Variants in AMZ2 observed in about 807,000 individuals in gnomAD.
The protein encoded by AMZ2 is archaelysin family metallopeptidase 2.
A neutral mutation model predicts 36.7 loss-of-function variants in AMZ2; 26 were observed. That is an observed-to-expected ratio of 0.71 (90% CI 0.52 to 0.98). The LOEUF (loss-of-function observed/expected upper bound fraction) is 0.98. AMZ2 is among the 50% of genes least tolerant of loss of function. The pLI, the probability that AMZ2 is intolerant of heterozygous loss-of-function variation, is 0.00. For synonymous variants in AMZ2, 144 were observed against 149.1 expected (o/e 0.97, Z 0.25); for missense variants, 394 against 430.5 (o/e 0.92, Z 0.75).
chr17:68,223,086 G>C (rs1429685682), intron 1 of AMZ2, among the ~76,000 whole-genome samples: 2 of 152,128 alleles, frequency 1.3e-5, no homozygotes, highest in African/African-American at 2.4e-5. Context: ...GAGAGAGACA[G>C]AGACAGAGAA....
At chr17:68,244,854 G>C (rs1469912034), upstream of AMZ2, among the ~76,000 whole-genome samples, 1 of 152,150 alleles carries the variant, frequency 6.6e-6, no homozygotes, top group Non-Finnish European at 1.5e-5. Flanking sequence ...CATGTGTTCA[G>C]TAAAGTTGAA....
At chr17:68,207,842 C>CG (rs66922771) in intron 1 of AMZ2, among the ~76,000 whole-genome samples, 4 of 151,896 alleles carry the variant, frequency 2.6e-5, no homozygotes, top group African/African-American at 9.7e-5. Flanking sequence ...CCTCAGCTTG[C>CG]GGGGGAGGTG....
chr17:68,255,573 GGGTGAAGTTTT>G, intron 5 of AMZ2, 116 bp from the exon 6 acceptor site: 1 of 956,198 alleles, frequency 1.0e-6, no homozygotes, highest in South Asian at 1.6e-5. Flanking sequence ...GGTCTGGACA[GGGTGAAGTTTT>G]GGTGGTAATG....
At chr17:68,218,128 T>C (rs138781299) in intron 1 of AMZ2, among the ~76,000 whole-genome samples, 1 of 152,196 alleles carries the variant, frequency 6.6e-6, no homozygotes, top group Non-Finnish European at 1.5e-5. Flanking sequence ...AAGGTTCTTA[T>C]ACATGAATTT....
At chr17:68,254,612 T>G (rs1293043038) in intron 5 of AMZ2, 45 bp downstream of exon 5, 4 of 1,495,568 alleles carry the variant, frequency 2.7e-6, no homozygotes, top group Admixed American at 1.8e-5. Flanking sequence ...TTAAAAGAGA[T>G]CTTAGTTCCG....
intron 1 of AMZ2, among the ~76,000 whole-genome samples, chr17:68,234,385 C>G (rs560146568): frequency 9.9e-5 from 15 of 151,812 alleles, no homozygotes; most frequent in Non-Finnish European, 2.2e-4. Flanking sequence ...GAGGTCAAGG[C>G]TGCAGTGAGT....
At chr17:68,239,724 G>A (rs2073862771) in intron 1 of AMZ2, among the ~76,000 whole-genome samples, 1 of 152,112 alleles carries the variant, frequency 6.6e-6, no homozygotes, top group African/African-American at 2.4e-5. Context: ...TCAGACACTG[G>A]GAGACTCCCC....
intron 1 of AMZ2, among the ~76,000 whole-genome samples, chr17:68,223,600 C>G (rs2073424460): frequency 6.6e-6 from 1 of 151,672 alleles, no homozygotes; most frequent in African/African-American, 2.4e-5. Context: ...AGTGCAGTGG[C>G]ACGATCTCAG....
intron 1 of AMZ2, among the ~76,000 whole-genome samples, chr17:68,213,344 G>A (rs1289833029): frequency 6.6e-6 from 1 of 152,198 alleles, no homozygotes; most frequent in African/African-American, 2.4e-5. Flanking sequence ...AAAATGGGGA[G>A]AATAAAACAA....
chr17:68,211,866 A>ATG (rs1286703079), intron 1 of AMZ2, among the ~76,000 whole-genome samples: 24 of 136,890 alleles, frequency 1.8e-4, no homozygotes, highest in South Asian at 4.9e-4. Context: ...ATATGTATAT[A>ATG]TGTGTGTGTA....
At chr17:68,248,042 C>T (rs1301196453), upstream of AMZ2, 2 of 986,348 alleles carry the variant, frequency 2.0e-6, no homozygotes, top group South Asian at 4.7e-5. Context: ...TGGCGTGGCG[C>T]AGTGCGAAGG....
At chr17:68,253,076 C>T (rs1371115019) in intron 4 of AMZ2, among the ~76,000 whole-genome samples, 2 of 152,054 alleles carry the variant, frequency 1.3e-5, no homozygotes, top group Non-Finnish European at 2.9e-5. Flanking sequence ...TAAAGTGAGA[C>T]GCATTGACTA....
chr17:68,210,174 C>CTATATATA (rs1555725579), intron 1 of AMZ2, among the ~76,000 whole-genome samples: 5 of 152,150 alleles, frequency 3.3e-5, no homozygotes, highest in Non-Finnish European at 5.9e-5. Context: ...CCCGGTAATT[C>CTATATATA]TATTCATACA....
At chr17:68,246,988 A>C (rs1389345543), upstream of AMZ2, 1 of 150,958 alleles carries the variant, frequency 6.6e-6, no homozygotes, top group Non-Finnish European at 1.5e-5. Flanking sequence ...GGGGTGGATC[A>C]CCTGAGCGCA....
chr17:68,214,840 G>A (rs2073156559), intron 1 of AMZ2, among the ~76,000 whole-genome samples: 1 of 151,352 alleles, frequency 6.6e-6, no homozygotes, highest in African/African-American at 2.4e-5. Flanking sequence ...CTGAACTGCA[G>A]TGGCGCTATC....
intron 1 of AMZ2, among the ~76,000 whole-genome samples, chr17:68,218,844 T>G (rs1291111670): frequency 1.3e-5 from 2 of 152,216 alleles, no homozygotes; most frequent in East Asian, 3.8e-4. Context: ...TTTCCTTTAT[T>G]GTTTGCTATG....
chr17:68,254,465 C>T lies in AMZ2; in HGVS notation c.648C>T (p.Gly216=). 2.5e-6 allele frequency: 4 copies of T among 1,613,664 alleles called. No homozygotes were observed. The highest frequency in any genetic ancestry group is 2.5e-6 in the Non-Finnish European group (3 of 1,179,930). The part of the protein sequence containing the change: ...GSDFYSMHYK[G]KVKKLKKTSS... ...ATTTTTATAGCATGCACTATAAAGGCAAAGTGAAGAAGCTCAAGAAAACAT... is the reference window on the plus strand; with the variant it reads ...ATTTTTATAGCATGCACTATAAAGGTAAAGTGAAGAAGCTCAAGAAAACAT... The change falls in exon 5 of 7, where the codon GGC becomes GGT. Residue 216 remains glycine (G), a synonymous_variant. Transcript: ENST00000359904.
At chr17:68,228,984 C>T (rs1555730581) in intron 1 of AMZ2, among the ~76,000 whole-genome samples, 1 of 152,230 alleles carries the variant, frequency 6.6e-6, no homozygotes, top group Non-Finnish European at 1.5e-5. Context: ...GCATGCACGC[C>T]CTTCTGCAGC....
At position 68,256,951 on chromosome 17, in the gene AMZ2, G is replaced by A; in HGVS notation, c.1065G>A (p.Leu355=). Residue 355 remains leucine (L), a synonymous_variant, in exon 7 of 7, where the codon CTG becomes CTA. Transcript: ENST00000359904. ...GGAAAGAGTGGATAATAAAATGCCT[G>A]GCTGTTCTCCAAAAATGAGGACCTT... ...KEWKEWIIKC[L]AVLQK 6.2e-7 allele frequency: 1 copy of A among 1,613,394 alleles called. No homozygotes were observed. Among genetic ancestry groups the A allele is most frequent in the Admixed American group, 1.7e-5 (1 of 59,814 alleles).
Sources: gnomAD v4.1 joint callset for allele counts (sites outside exome capture counted in the v4.1 genomes callset) on GRCh38, gnomAD v4.1.1 for gene constraint, MANE v1.5 for transcripts, NCBI Gene and HGNC (gene_info 2026-07-23, HGNC 2026-07-21) for gene names.